CCDC171: variants seen among roughly 807,000 people sequenced by gnomAD.
CCDC171 encodes coiled-coil domain containing 171.
A neutral mutation model predicts 168.2 loss-of-function variants in CCDC171; 177 were observed. The ratio of observed to expected loss-of-function variants is 1.05; its 90% CI spans 0.93 to 1.19. The LOEUF (loss-of-function observed/expected upper bound fraction) is 1.19, where lower values mean the gene tolerates loss of function less well. CCDC171 is among the 50% of genes most tolerant of loss of function. CCDC171 has a pLI of 0.00. For missense variants in CCDC171, 1,991 were observed against 1,539.0 expected, an observed-to-expected ratio of 1.29 and a Z score of -4.91; for synonymous variants, 687 against 540.8, an observed-to-expected ratio of 1.27 and a Z score of -3.75.
At chr9:15,592,343 C>G (rs12004797) in intron 5 of CCDC171, among the ~76,000 whole-genome samples, 4 of 150,978 alleles carry the variant, frequency 2.6e-5, no homozygotes, top group Middle Eastern at 6.3e-3. Context: ...CTGTCTCCCC[C>G]CAAAAAAGCA....
the CCDC171 span, among the ~76,000 whole-genome samples, chr9:16,098,698 T>C: frequency 6.6e-6 from 1 of 152,258 alleles, no homozygotes; most frequent in African/African-American, 2.4e-5. Context: ...CCACCTTGAA[T>C]TGCTGTCTCA....
chr9:16,021,516 ATTTG>A (rs1286905784), intron 4 of CCDC171, among the ~76,000 whole-genome samples: 5 of 152,188 alleles, frequency 3.3e-5, no homozygotes, highest in Non-Finnish European at 7.3e-5. Flanking sequence ...AAAGGCAGGG[ATTTG>A]GGAGCTGGCT....
chr9:15,879,928 C>T (rs1165100050), intron 24 of CCDC171, among the ~76,000 whole-genome samples: 3 of 152,112 alleles, frequency 2.0e-5, no homozygotes, highest in Admixed American at 6.6e-5. Context: ...TTCCACTTTA[C>T]CCCCTGCAAG....
At chr9:15,664,252 A>T (rs1408752842) in intron 8 of CCDC171, among the ~76,000 whole-genome samples, 1 of 151,738 alleles carries the variant, frequency 6.6e-6, no homozygotes, top group Non-Finnish European at 1.5e-5. Flanking sequence ...TTTACACCTT[A>T]ATTTATTTAT....
At chr9:15,982,417 C>G (rs539933734) in intron 3 of CCDC171, among the ~76,000 whole-genome samples, 4 of 151,998 alleles carry the variant, frequency 2.6e-5, no homozygotes. Context: ...GTAAGCATTA[C>G]GTGACAGAGT....
intron 6 of CCDC171, among the ~76,000 whole-genome samples, chr9:15,597,370 T>C (rs1229750157): frequency 6.6e-6 from 1 of 152,204 alleles, no homozygotes; most frequent in Admixed American, 6.6e-5. Context: ...TGCTGAATTT[T>C]GTCAAAGGCC....
rs2130971130 is a variant in CCDC171, at chr9:15,860,960, G to GTGTT, written c.3468+12015_3468+12016insTTTG. 1.3e-5 allele frequency among the ~76,000 whole-genome samples: 2 copies of GTGTT among 151,664 alleles called. 1 individual carries two copies. Among genetic ancestry groups the GTGTT allele is most frequent in the South Asian group, 4.2e-4 (2 of 4,810 alleles). On this transcript the variant is annotated intron_variant, in intron 23 of 25. Coordinates refer to ENST00000380701, the MANE Select transcript of CCDC171 (RefSeq NM_173550.4). ...GATGTGTGTGTGTGTGTGTGTGTGT[G>GTGTT]TGATAATTGTTAAAATTGTTATATG... is the stretch of plus-strand genomic sequence containing the variant.
chr9:15,623,469 G>GCACACACACACACACACA (rs1554714819), intron 7 of CCDC171, 56 bp downstream of exon 7: 1 of 529,616 alleles, frequency 1.9e-6, no homozygotes, highest in East Asian at 4.4e-5. Flanking sequence ...ACATATGCGC[G>GCACACACACACACACACA]CGCGCGCACA....
intron 18 of CCDC171, among the ~76,000 whole-genome samples, chr9:15,759,749 C>G (rs2056343149): frequency 6.6e-6 from 1 of 152,090 alleles, no homozygotes; most frequent in Non-Finnish European, 1.5e-5. Context: ...GATACAGTGT[C>G]ATAACTTCAT....
At chr9:15,765,434 A>G (rs2056669697) in intron 18 of CCDC171, among the ~76,000 whole-genome samples, 1 of 152,150 alleles carries the variant, frequency 6.6e-6, no homozygotes, top group Admixed American at 6.6e-5. Context: ...GATGAAAGGG[A>G]TGGGATCCAA....
chr9:15,901,606 G>T (rs907956205), intron 24 of CCDC171, among the ~76,000 whole-genome samples: 1 of 151,880 alleles, frequency 6.6e-6, no homozygotes, highest in African/African-American at 2.4e-5. Context: ...ATAAATACAT[G>T]CCATTAATTA....
chr9:16,050,844 A>C (rs976330245), intron 1 of CCDC171, among the ~76,000 whole-genome samples: 1 of 152,230 alleles, frequency 6.6e-6, no homozygotes, highest in African/African-American at 2.4e-5. Flanking sequence ...GATCTTGTCA[A>C]ATGACTGAGG....
intron 10 of CCDC171, among the ~76,000 whole-genome samples, chr9:15,683,247 C>A (rs189365874): frequency 2.0e-5 from 3 of 151,962 alleles, no homozygotes; most frequent in Admixed American, 2.0e-4. Context: ...TTCCCCAATA[C>A]TTTTGGGGGT....
intron 21 of CCDC171, among the ~76,000 whole-genome samples, chr9:15,824,752 C>G (rs1439093406): frequency 6.6e-6 from 1 of 152,028 alleles, no homozygotes; most frequent in African/African-American, 2.4e-5. Flanking sequence ...TTACTGTTGT[C>G]CATCCCTAGA....
rs1306869183 is a variant in CCDC171, at chr9:15,971,708, C to T, written c.3853C>T (p.Leu1285Phe). The T allele has an allele frequency of 6.2e-7, 1 of 1,613,770 alleles. No individual in the cohort carries two copies. The highest frequency in any genetic ancestry group is 1.1e-5 in the South Asian group (1 of 91,060). The change falls in exon 26 of 26, where the codon CTT (leucine) becomes TTT (phenylalanine). Residue 1285 changes from leucine (L) to phenylalanine (F), a missense_variant. Leu to Phe is a conservative substitution (Grantham distance 22). Coordinates refer to ENST00000380701, the MANE Select transcript of CCDC171 (RefSeq NM_173550.4). ...GGATTTCTTACCATTGAAAGCTGAA[C>T]TTGATACTACTTACACTTTCTTAAA... ...IGDFLPLKAE[L>F]DTTYTFLKET...
chr9:15,745,458 A>G, intron 17 of CCDC171, 57 bp from the exon 18 acceptor site: 1 of 1,114,974 alleles, frequency 9.0e-7, no homozygotes, highest in Non-Finnish European at 1.3e-6. Context: ...CGAATTTTAA[A>G]TATAGATTTT....
At chr9:15,791,558 A>G (rs200086161) in intron 21 of CCDC171, among the ~76,000 whole-genome samples, 1 of 152,042 alleles carries the variant, frequency 6.6e-6, no homozygotes, top group Non-Finnish European at 1.5e-5. Context: ...CAATTTGACT[A>G]CCTCTTTTCC....
chr9:15,601,549 T>C (rs1270495947), intron 6 of CCDC171, among the ~76,000 whole-genome samples: 2 of 152,258 alleles, frequency 1.3e-5, no homozygotes, highest in African/African-American at 4.8e-5. Context: ...AAGTACTTAC[T>C]GAGTTACTGC....
chr9:15,576,577 G>C (rs567244111), intron 3 of CCDC171, among the ~76,000 whole-genome samples: 2 of 152,112 alleles, frequency 1.3e-5, no homozygotes, highest in Non-Finnish European at 2.9e-5. Flanking sequence ...AACCACTCCC[G>C]TGTTCTTAAG....
Sources: allele counts gnomAD v4.1 joint callset (sites outside exome capture counted in the v4.1 genomes callset), GRCh38; gene constraint gnomAD v4.1.1; transcripts MANE v1.5; gene names NCBI Gene and HGNC (gene_info 2026-07-23, HGNC 2026-07-21).